PDE8B: variants seen among roughly 807,000 people sequenced by gnomAD.
PDE8B encodes the protein high affinity cAMP-specific and IBMX-insensitive 3',5'-cyclic phosphodiesterase 8B.
Under a neutral mutation model 101.3 loss-of-function variants are expected in PDE8B, and 26 were observed. The ratio of observed to expected loss-of-function variants is 0.26; its 90% confidence interval spans 0.19 to 0.36. The LOEUF is 0.36. PDE8B is among the 10% of genes least tolerant of loss of function. The pLI, the probability that PDE8B is intolerant of heterozygous loss-of-function variation, is 1.00. For synonymous variants in PDE8B, 424 were observed against 429.3 expected, an observed-to-expected ratio of 0.99 and a Z score of 0.15; for missense variants, 810 against 1,163.1, an observed-to-expected ratio of 0.70 and a Z score of 4.42.
chr5:77,415,351 ATTT>A (rs71606293), intron 17 of PDE8B, among the ~76,000 whole-genome samples: 908 of 88,732 alleles, frequency 0.01, 8 homozygotes, highest in African/African-American at 0.04. Context: ...ATAAGCTAAA[ATTT>A]TTTTTTTTTT....
chr5:77,291,705 T>A, intron 1 of PDE8B: 2 of 1,594,104 alleles, frequency 1.3e-6, no homozygotes, highest in Non-Finnish European at 1.7e-6. Flanking sequence ...TGGCAGGGAA[T>A]CTGGCAGTGA....
intron 1 of PDE8B, among the ~76,000 whole-genome samples, chr5:77,251,746 T>G (rs1758116025): frequency 6.6e-6 from 1 of 152,218 alleles, no homozygotes; most frequent in Non-Finnish European, 1.5e-5. Context: ...TTTCTGATAT[T>G]TTGTGGTTTA....
intron 10 of PDE8B, among the ~76,000 whole-genome samples, chr5:77,355,372 G>A (rs10037785): frequency 0.072 from 10,975 of 152,220 alleles, 614 homozygotes; most frequent in South Asian, 0.14. Flanking sequence ...GCTAACTACA[G>A]TGTTTTTCCT....
At chr5:77,424,968 G>C (rs528859265) in intron 20 of PDE8B, among the ~76,000 whole-genome samples, 1 of 152,140 alleles carries the variant, frequency 6.6e-6, no homozygotes, top group Admixed American at 6.5e-5. Context: ...GGGATTACAG[G>C]CATGAGCCAT....
At chr5:77,402,252 A>T (rs901775973) in intron 11 of PDE8B, among the ~76,000 whole-genome samples, 1 of 151,888 alleles carries the variant, frequency 6.6e-6, no homozygotes, top group African/African-American at 2.4e-5. Flanking sequence ...TTTATAGATA[A>T]TTGTAAAAAT....
At chr5:77,353,246 C>A in intron 9 of PDE8B, 100 bp from the exon 10 acceptor site, 1 of 766,618 alleles carries the variant, frequency 1.3e-6, no homozygotes, top group Non-Finnish European at 2.4e-6. Context: ...CTAGGACGAA[C>A]CCTGGAGTTT....
chr5:77,326,435 T>A (rs1455033668), intron 3 of PDE8B, among the ~76,000 whole-genome samples: 1 of 152,210 alleles, frequency 6.6e-6, no homozygotes, highest in Non-Finnish European at 1.5e-5. Flanking sequence ...GGAATTTTCT[T>A]GAATGTTAGT....
chr5:77,427,138 C>G lies in PDE8B; in HGVS notation c.*584C>G, dbSNP rs1398502901. ...CTCTATGGCTACATGGTTCTTCTGG[C>G]CGATGGTATGACACCTAAGTTAGAA... On this transcript the variant is annotated 3_prime_UTR_variant, in exon 22 of 22. Transcript: ENST00000264917. 1 of 156,514 alleles carries G rather than the reference C, an allele frequency of 6.4e-6. No homozygotes were observed. Among genetic ancestry groups the G allele is most frequent in the Non-Finnish European group, 1.4e-5 (1 of 70,672 alleles). 9.7% of individuals were successfully genotyped at this position (156,514 alleles called of 1,614,324 possible).
chr5:77,342,864 T>C (rs1187122473), intron 6 of PDE8B, among the ~76,000 whole-genome samples: 1 of 152,072 alleles, frequency 6.6e-6, no homozygotes, highest in Non-Finnish European at 1.5e-5. Context: ...GGGGGAATGG[T>C]TGGAAGCCGA....
intron 1 of PDE8B, among the ~76,000 whole-genome samples, chr5:77,292,416 A>T (rs1052718515): frequency 6.6e-6 from 1 of 152,226 alleles, no homozygotes; most frequent in Non-Finnish European, 1.5e-5. Context: ...TAACTGTTTC[A>T]GTTACCAAGG....
At chr5:77,272,556 A>G (rs573424370) in intron 1 of PDE8B, among the ~76,000 whole-genome samples, 1 of 152,166 alleles carries the variant, frequency 6.6e-6, no homozygotes, top group African/African-American at 2.4e-5. Flanking sequence ...TTCCTTGACC[A>G]CCTCCAGCTG....
At chr5:77,292,365 G>C (rs1290575322) in intron 1 of PDE8B, among the ~76,000 whole-genome samples, 2 of 152,118 alleles carry the variant, frequency 1.3e-5, no homozygotes, top group Admixed American at 1.3e-4. Context: ...CAGAGGAAAG[G>C]GGACAGCAAT....
chr5:77,100,607 C>G, the PDE8B span, among the ~76,000 whole-genome samples: 1 of 152,148 alleles, frequency 6.6e-6, no homozygotes, highest in Non-Finnish European at 1.5e-5. Flanking sequence ...GGAGGCAACC[C>G]TTGTACAGAG....
the PDE8B span, among the ~76,000 whole-genome samples, chr5:77,120,627 A>G: frequency 6.6e-6 from 1 of 152,256 alleles, no homozygotes; most frequent in African/African-American, 2.4e-5. Flanking sequence ...AGATAGGGAT[A>G]TATGGGTTTT....
At chr5:77,098,215 A>G in the PDE8B span, among the ~76,000 whole-genome samples, 1 of 152,036 alleles carries the variant, frequency 6.6e-6, no homozygotes, top group Non-Finnish European at 1.5e-5. Context: ...GATTGTAACA[A>G]AACCCATTCC....
intron 7 of PDE8B, among the ~76,000 whole-genome samples, 178 bp from the exon 8 acceptor site, chr5:77,349,241 G>A (rs1780662080): frequency 6.6e-6 from 1 of 152,124 alleles, no homozygotes; most frequent in Non-Finnish European, 1.5e-5. Context: ...GGAAGGGTTT[G>A]GGGATGGAAA....
the PDE8B span, among the ~76,000 whole-genome samples, chr5:77,177,217 A>C: frequency 6.6e-6 from 1 of 152,212 alleles, no homozygotes; most frequent in African/African-American, 2.4e-5. Flanking sequence ...ATGTTTAAAC[A>C]TGAGGCATCC....
intron 1 of PDE8B, among the ~76,000 whole-genome samples, chr5:77,213,104 ATGAAGTAAAAAC>A (rs1421358074): frequency 6.6e-6 from 1 of 152,252 alleles, no homozygotes; most frequent in African/African-American, 2.4e-5. Flanking sequence ...TAGAGACCAA[ATGAAGTAAAAAC>A]TGAAGGGACA....
chr5:77,137,437 C>G, the PDE8B span, among the ~76,000 whole-genome samples: 1 of 152,136 alleles, frequency 6.6e-6, no homozygotes, highest in Non-Finnish European at 1.5e-5. Flanking sequence ...TTGAGGTGCA[C>G]TCAGTCAACT....
Sources: allele counts gnomAD v4.1 joint callset (sites outside exome capture counted in the v4.1 genomes callset), GRCh38; gene constraint gnomAD v4.1.1; transcripts MANE v1.5; gene names NCBI Gene and HGNC (gene_info 2026-07-23, HGNC 2026-07-21).